The following ABCB8 variants were observed in gnomAD, a reference collection of about 807,000 sequenced individuals.
ABCB8 encodes ATP binding cassette subfamily B member 8, also known as mitochondrial potassium channel ATP-binding subunit.
Under a neutral mutation model 73.0 loss-of-function variants are expected in ABCB8, and 52 were observed. The ratio of observed to expected loss-of-function variants is 0.71; its 90% CI spans 0.57 to 0.90. The LOEUF is 0.90. ABCB8 is among the 40% of genes least tolerant of loss of function. The pLI is 0.00. For missense variants in ABCB8, 909 were observed against 974.6 expected, an observed-to-expected ratio of 0.93 and a Z score of 0.90; for synonymous variants, 428 against 423.5, an observed-to-expected ratio of 1.01 and a Z score of -0.13.
Position 151,035,641 on chromosome 7 carries a change from C to T in ABCB8, c.826C>T (p.Arg276Cys), listed in dbSNP as rs542562581. The change falls in exon 6 of 16, where the codon CGC becomes TGC. Residue 276 changes from arginine to cysteine, a missense_variant. By Grantham distance (180) the Arg-to-Cys change is radical (BLOSUM62 -3). Transcript: ENST00000358849. ...CLVSLSMLST[R>C]LTLLLMVATP... ...GGTGTCCCTGTCCATGCTGTCGACACGCCTCACGCTGCTGCTGATGGTGGC... is the reference window on the plus strand; with the variant it reads ...GGTGTCCCTGTCCATGCTGTCGACATGCCTCACGCTGCTGCTGATGGTGGC... 18 of 1,612,090 alleles carry T rather than the reference C, an allele frequency of 1.1e-5. No homozygotes were observed. The highest frequency in any genetic ancestry group is 3.3e-5 in the Admixed American group (2 of 60,012).
At chr7:151,029,050 G>C in intron 1 of ABCB8, 1 of 1,117,484 alleles carries the variant, frequency 8.9e-7, no homozygotes, top group South Asian at 1.8e-5. Context: ...TAGGCCGGGC[G>C]CGGTGGCTCG....
In ABCB8 at chr7:151,029,478, TTTTTCTTTTC is replaced by T. The variant is rs148744051; in HGVS notation, c.95+893_95+902del. The stretch of plus-strand genomic sequence containing the variant: ...TTATGAGAAGGGACTGATTCCTTTT[TTTTTCTTTTC>T]TTTTCTTTTCTTTTCTTTTCTTTTT... On this transcript the variant is annotated intron_variant, in intron 1 of 15. Transcript: ENST00000358849. 977 of 128,228 alleles carry T rather than the reference TTTTTCTTTTC, an allele frequency of 7.6e-3. 5 individuals carry two copies. Among genetic ancestry groups the T allele is most frequent in the Middle Eastern group, 0.021 (5 of 240 alleles). 7.9% of individuals were successfully genotyped at this position (128,228 alleles called of 1,614,324 possible).
rs1403264968 is a variant in ABCB8, at chr7:151,045,275, C to T, written c.2083C>T (p.Leu695=). 1.2e-6 allele frequency: 2 copies of T among 1,605,302 alleles called. No homozygotes were observed. Among genetic ancestry groups the T allele is most frequent in the Non-Finnish European group, 1.7e-6 (2 of 1,175,702 alleles). ...LYAELIRRQA[L]DAPRTAAPPP... The stretch of plus-strand genomic sequence containing the variant: ...CGCCGAGCTCATCCGGAGGCAGGCC[C>T]TGGATGCCCCGAGGACAGCGGCCCC... The change falls in exon 16 of 16, where the codon CTG becomes TTG. Residue 695 remains leucine (L), a synonymous_variant. Coordinates refer to ENST00000358849, the MANE Select transcript of ABCB8 (RefSeq NM_007188.5).
intron 13 of ABCB8, 25 bp from the exon 14 acceptor site, chr7:151,041,936 T>C (rs1218202752): frequency 6.2e-7 from 1 of 1,609,488 alleles, no homozygotes; most frequent in East Asian, 2.2e-5. Flanking sequence ...CTATGGACTC[T>C]GTCTCCATAA....
chr7:151,032,871 G>A (rs1259898303), intron 1 of ABCB8: 8 of 364,562 alleles, frequency 2.2e-5, no homozygotes, highest in African/African-American at 8.5e-5. Context: ...GTGTCATGGC[G>A]CCCCAGGCCA....
intron 1 of ABCB8, among the ~76,000 whole-genome samples, chr7:151,030,203 A>C (rs914863692): frequency 2.6e-5 from 4 of 152,256 alleles, no homozygotes; most frequent in Non-Finnish European, 5.9e-5. Context: ...AAATGCATTT[A>C]GTTGGTCAGG....
At chr7:151,044,450 C>T (rs1796561316) in intron 15 of ABCB8, among the ~76,000 whole-genome samples, 1 of 152,180 alleles carries the variant, frequency 6.6e-6, no homozygotes. Context: ...ATAATTGCAC[C>T]ATCAGCTCCC....
intron 2 of ABCB8, 97 bp downstream of exon 2, chr7:151,034,014 CAG>C (rs1378849286): frequency 3.5e-6 from 5 of 1,410,480 alleles, no homozygotes; most frequent in East Asian, 2.4e-5. Context: ...GGGGAGAGCT[CAG>C]GGGAGCAGCA....
rs766531374 is a variant in ABCB8, at chr7:151,031,211, C to T, written c.96-2394C>T. Reference sequence around the variant, plus strand: ...ATTATGTACCGGAGTTCTGCCAGTGCTGTCTAAGATATAATTTCCTGCCTT... The same window carrying T: ...ATTATGTACCGGAGTTCTGCCAGTGTTGTCTAAGATATAATTTCCTGCCTT... On this transcript the variant is annotated intron_variant, in intron 1 of 15. Coordinates refer to ENST00000358849, the MANE Select transcript of ABCB8 (RefSeq NM_007188.5). 1.6e-5 allele frequency: 22 copies of T among 1,368,950 alleles called. No homozygotes were observed. In the Admixed American group the frequency reaches 4.1e-4, roughly 26 times the overall value. The allele number at this position is 1,368,950 out of a possible 1,614,324, so 84.8% of individuals were successfully genotyped here.
intron 1 of ABCB8, chr7:151,033,036 T>G (rs1796206058): frequency 2.2e-6 from 1 of 456,490 alleles, no homozygotes; most frequent in African/African-American, 2.0e-5. Flanking sequence ...CTCTCTTAGC[T>G]CCACATGATT....
rs200150214 is a variant in ABCB8, at chr7:151,041,159, T to C, written c.1544T>C (p.Met515Thr). Residue 515 changes from methionine to threonine, a missense_variant, in exon 13 of 16, where the codon ATG becomes ACG. By Grantham distance (81) the Met-to-Thr change is moderately conservative (BLOSUM62 -1). Coordinates refer to ENST00000358849, the MANE Select transcript of ABCB8 (RefSeq NM_007188.5). ...RFYDPTAGVVMLDGRDLRTLD... is the reference protein window; with the variant it reads ...RFYDPTAGVVTLDGRDLRTLD... ...TACGACCCCACGGCAGGCGTGGTGA[T>C]GCTGGATGGGCGGGACCTGCGCACC... is the stretch of plus-strand genomic sequence containing the variant. 21 of 1,611,912 alleles carry C rather than the reference T, an allele frequency of 1.3e-5. 1 individual carries two copies. In the South Asian group the frequency reaches 2.2e-4, roughly 17 times the overall value.
intron 13 of ABCB8, among the ~76,000 whole-genome samples, 178 bp downstream of exon 13, chr7:151,041,410 GAGCAGCCAC>G (rs1340949748): frequency 6.6e-6 from 1 of 152,228 alleles, no homozygotes; most frequent in Non-Finnish European, 1.5e-5. Context: ...CCTGTCGTGG[GAGCAGCCAC>G]AGCTCTGCCT....
At chr7:151,033,077 C>G (rs1173369827) in intron 1 of ABCB8, 1 of 456,812 alleles carries the variant, frequency 2.2e-6, no homozygotes. Context: ...AATAATGGCA[C>G]CTCCCTCCCA....
chr7:151,036,735 C>G, intron 9 of ABCB8, 86 bp downstream of exon 9: 2 of 1,165,824 alleles, frequency 1.7e-6, no homozygotes, highest in Non-Finnish European at 2.5e-6. Context: ...TGCCAGCCTT[C>G]TCTGGGGGCC....
At chr7:151,036,914 G>A in intron 9 of ABCB8, 1 of 736,586 alleles carries the variant, frequency 1.4e-6, no homozygotes, top group East Asian at 2.5e-5. Flanking sequence ...TCCTTGACAG[G>A]CTTTTTAAAA....
intron 9 of ABCB8, chr7:151,037,859 A>C: frequency 6.0e-6 from 1 of 166,888 alleles, no homozygotes. Context: ...CGTTCCTCCC[A>C]TTTCCGCAGC....
chr7:151,033,257 T>C, intron 1 of ABCB8: 1 of 456,582 alleles, frequency 2.2e-6, no homozygotes, highest in East Asian at 5.4e-5. Context: ...CCAGGCAGTG[T>C]GTGGCCATCT....
At chr7:151,029,224 C>G (rs1269599916) in intron 1 of ABCB8, 1 of 184,628 alleles carries the variant, frequency 5.4e-6, no homozygotes, top group East Asian at 1.6e-4. Flanking sequence ...TCGCTTCAAC[C>G]CGGGAGGCGG....
chr7:151,043,731 G>C (rs1796534653), intron 14 of ABCB8, among the ~76,000 whole-genome samples: 1 of 141,324 alleles, frequency 7.1e-6, no homozygotes, highest in Non-Finnish European at 1.5e-5. Context: ...GCAGGAGGAG[G>C]GTGCACAGTG....
Sources: gnomAD v4.1 joint callset for allele counts (sites outside exome capture counted in the v4.1 genomes callset) on GRCh38, gnomAD v4.1.1 for gene constraint, MANE v1.5 for transcripts, NCBI Gene and HGNC (gene_info 2026-07-23, HGNC 2026-07-21) for gene names.